The following CDC5L variants were observed in gnomAD, a reference collection of about 807,000 sequenced individuals.
CDC5L encodes the protein cell division cycle 5-like protein.
CDC5L carries 18 observed loss-of-function variants against 104.1 expected under a neutral mutation model. That is an observed-to-expected ratio of 0.17 (90% CI 0.12 to 0.26). CDC5L has a LOEUF of 0.26. Among genes scored for constraint, CDC5L ranks in the 10% least tolerant of loss-of-function variants. The pLI is 1.00. For missense variants in CDC5L, 673 were observed against 956.9 expected, an observed-to-expected ratio of 0.70 and a Z score of 3.91; for synonymous variants, 331 against 322.7, an observed-to-expected ratio of 1.03 and a Z score of -0.28.
chr6:44,397,159 G>C (rs886925948), intron 5 of CDC5L, among the ~76,000 whole-genome samples: 1 of 152,200 alleles, frequency 6.6e-6, no homozygotes, highest in East Asian at 1.9e-4. Flanking sequence ...TAATCCTGCC[G>C]TGGTCTTTCT....
intron 3 of CDC5L, 80 bp downstream of exon 3, chr6:44,392,908 C>T: frequency 7.7e-7 from 1 of 1,302,766 alleles, no homozygotes; most frequent in South Asian, 1.4e-5. Context: ...TATTTTCTGT[C>T]TTTAAACTTT....
At chr6:44,446,553 A>AT (rs1444342767) in intron 15 of CDC5L, 54 bp from the exon 16 acceptor site, 1 of 782,014 alleles carries the variant, frequency 1.3e-6, no homozygotes, top group Non-Finnish European at 2.0e-6. Flanking sequence ...AGTACTGTAG[A>AT]TTTTTTTCAG....
chr6:44,438,256 T>C (rs899391527), intron 14 of CDC5L, among the ~76,000 whole-genome samples: 1 of 152,184 alleles, frequency 6.6e-6, no homozygotes, highest in African/African-American at 2.4e-5. Flanking sequence ...GCTGAACATG[T>C]TAAATTATAG....
At chr6:44,411,499 A>G (rs1213475838) in intron 8 of CDC5L, among the ~76,000 whole-genome samples, 1 of 152,020 alleles carries the variant, frequency 6.6e-6, no homozygotes, top group East Asian at 1.9e-4. Context: ...CTATTTTCAT[A>G]GTGATAATTT....
In CDC5L at chr6:44,445,872, C is replaced by T. The variant is rs771525985; in HGVS notation, c.2304+5C>T. ...GCTATTCCCCGGAGGCTAGAGGTAA[C>T]GTTATATATTGAACTGTTGTTTAAA... On this transcript the variant is annotated splice_donor_5th_base_variant and intron_variant, in intron 15 of 15. Transcript: ENST00000371477. 30 of 1,601,332 alleles carry T rather than the reference C, an allele frequency of 1.9e-5. No individual in the cohort carries two copies. The highest frequency in any genetic ancestry group is 1.7e-4 in the South Asian group (15 of 90,764).
intron 8 of CDC5L, among the ~76,000 whole-genome samples, chr6:44,412,462 A>G (rs1358460671): frequency 6.6e-6 from 1 of 151,958 alleles, no homozygotes; most frequent in African/African-American, 2.4e-5. Flanking sequence ...CCTGGGTTCA[A>G]GTGATCTGCC....
Position 44,407,354 on chromosome 6 carries a change from G to A in CDC5L, c.903+887G>A, listed in dbSNP as rs11571958. Reference sequence around the variant, plus strand: ...CCTTTTTTTTTTTTTTTGAGACGGAGTCTTGCTCTGTCGCCAGGCTGGAGT... The same window carrying A: ...CCTTTTTTTTTTTTTTTGAGACGGAATCTTGCTCTGTCGCCAGGCTGGAGT... On this transcript the variant is annotated intron_variant, in intron 7 of 15. Transcript: ENST00000371477. 3.7e-3 allele frequency among the ~76,000 whole-genome samples: 560 copies of A among 150,094 alleles called. 3 individuals are homozygous for A. Among genetic ancestry groups the A allele is most frequent in the African/African-American group, 0.013 (514 of 40,772 alleles).
intron 8 of CDC5L, among the ~76,000 whole-genome samples, chr6:44,417,005 A>C (rs956201439): frequency 3.3e-5 from 5 of 152,232 alleles, no homozygotes; most frequent in African/African-American, 7.2e-5. Context: ...TAATGGAATA[A>C]GTCTTGCTCT....
chr6:44,414,545 G>A (rs566452298), intron 8 of CDC5L, among the ~76,000 whole-genome samples: 4 of 149,206 alleles, frequency 2.7e-5, no homozygotes, highest in Admixed American at 6.7e-5. Context: ...CTGGTGTTAC[G>A]TAGGCTGGTT....
chr6:44,437,117 A>G (rs1792973699), intron 14 of CDC5L, among the ~76,000 whole-genome samples: 1 of 152,224 alleles, frequency 6.6e-6, no homozygotes, highest in Non-Finnish European at 1.5e-5. Flanking sequence ...ATTTTAGGAA[A>G]TAAAGTTTTA....
intron 14 of CDC5L, among the ~76,000 whole-genome samples, chr6:44,431,991 T>G (rs1353414804): frequency 1.3e-5 from 2 of 152,242 alleles, no homozygotes; most frequent in Non-Finnish European, 2.9e-5. Flanking sequence ...TTTACCCAGC[T>G]AGTTACTTTT....
intron 12 of CDC5L, 31 bp downstream of exon 12, chr6:44,426,214 T>G: frequency 6.8e-7 from 1 of 1,466,982 alleles, no homozygotes; most frequent in Non-Finnish European, 9.4e-7. Context: ...TTTAGGAAGT[T>G]TTAAGTTTCT....
At chr6:44,446,564 T>A (rs1793462475) in intron 15 of CDC5L, 43 bp from the exon 16 acceptor site, 1 of 902,552 alleles carries the variant, frequency 1.1e-6, no homozygotes, top group African/African-American at 1.7e-5. Context: ...TTTTTTTCAG[T>A]ATAGTTACAT....
intron 14 of CDC5L, among the ~76,000 whole-genome samples, chr6:44,442,838 A>C (rs1793265581): frequency 6.6e-6 from 1 of 152,152 alleles, no homozygotes; most frequent in Non-Finnish European, 1.5e-5. Flanking sequence ...TACTTTAATA[A>C]ATTTTCATGT....
chr6:44,424,306 C>A, intron 10 of CDC5L, 113 bp from the exon 11 acceptor site: 1 of 862,296 alleles, frequency 1.2e-6, no homozygotes, highest in Non-Finnish European at 1.8e-6. Flanking sequence ...TTAAAATGTA[C>A]AGTTATTTTG....
intron 8 of CDC5L, among the ~76,000 whole-genome samples, chr6:44,417,178 T>G (rs1791946034): frequency 1.3e-5 from 2 of 152,234 alleles, no homozygotes; most frequent in East Asian, 1.9e-4. Flanking sequence ...CTGTGTGATT[T>G]GATGGATAGG....
In CDC5L at chr6:44,448,059, C is replaced by T. The variant is rs955867999; in HGVS notation, c.*1348C>T. On this transcript the variant is annotated 3_prime_UTR_variant, in exon 16 of 16. Coordinates refer to ENST00000371477, the MANE Select transcript of CDC5L (RefSeq NM_001253.4). ...ACTATACCACTGCACTGTGCCGCAC[C>T]GTACCACTATAAGCTGCACGGCCAA... 3.3e-5 allele frequency: 5 copies of T among 152,254 alleles called. No individual in the cohort carries two copies. Among genetic ancestry groups the T allele is most frequent in the Middle Eastern group, 3.4e-3 (1 of 296 alleles). The allele number at this position is 152,254 out of a possible 1,614,324, so 9.4% of individuals were successfully genotyped here.
intron 14 of CDC5L, among the ~76,000 whole-genome samples, chr6:44,440,435 G>A (rs772237800): frequency 3.3e-5 from 5 of 149,346 alleles, no homozygotes; most frequent in African/African-American, 1.2e-4. Flanking sequence ...AGAGATGGGG[G>A]TTTTGTCATG....
intron 2 of CDC5L, among the ~76,000 whole-genome samples, chr6:44,392,058 AGTGGTACCAGTT>A: frequency 1.3e-5 from 2 of 152,292 alleles, no homozygotes; most frequent in Admixed American, 1.3e-4. Flanking sequence ...TGTTTGTCTT[AGTGGTACCAGTT>A]CCTGCTGTCA....
Sources: gnomAD v4.1 joint callset for allele counts (sites outside exome capture counted in the v4.1 genomes callset) on GRCh38, gnomAD v4.1.1 for gene constraint, MANE v1.5 for transcripts, NCBI Gene and HGNC (gene_info 2026-07-23, HGNC 2026-07-21) for gene names.